MAGI3: variants seen among roughly 807,000 people sequenced by gnomAD.
MAGI3 encodes membrane-associated guanylate kinase, WW and PDZ domain-containing protein 3.
MAGI3 carries 43 observed loss-of-function variants against 121.8 expected under a neutral mutation model. The observed-to-expected ratio is 0.35, with a 90% CI of 0.28 to 0.46. The LOEUF (loss-of-function observed/expected upper bound fraction) is 0.46, where lower values mean the gene tolerates loss of function less well. MAGI3 is among the 20% of genes least tolerant of loss of function. The pLI is 1.00. For missense variants in MAGI3, 1,547 were observed against 1,797.3 expected (o/e 0.86, Z 2.52); for synonymous variants, 553 against 639.3 (o/e 0.86, Z 2.04).
intron 1 of MAGI3, among the ~76,000 whole-genome samples, chr1:113,473,071 A>G (rs1365774846): frequency 1.3e-5 from 2 of 152,260 alleles, no homozygotes; most frequent in Non-Finnish European, 2.9e-5. Context: ...CATGTTGTCA[A>G]TTAGCATTCT....
chr1:113,679,926 A>G (rs1648113917), intron 19 of MAGI3, among the ~76,000 whole-genome samples: 1 of 152,088 alleles, frequency 6.6e-6, no homozygotes, highest in Non-Finnish European at 1.5e-5. Context: ...GCTGGTCTCG[A>G]ACTCCCGACC....
At chr1:113,653,727 A>T in intron 14 of MAGI3, 103 bp from the exon 15 acceptor site, 1 of 1,029,460 alleles carries the variant, frequency 9.7e-7, no homozygotes, top group Non-Finnish European at 1.4e-6. Flanking sequence ...TCTTTATGTT[A>T]TTAGAAACTG....
intron 9 of MAGI3, among the ~76,000 whole-genome samples, chr1:113,630,435 C>T (rs1371007009): frequency 6.6e-6 from 1 of 152,104 alleles, no homozygotes; most frequent in Non-Finnish European, 1.5e-5. Flanking sequence ...CGAGAGCCTG[C>T]GTGGTGCTCT....
intron 1 of MAGI3, among the ~76,000 whole-genome samples, chr1:113,478,739 A>G (rs1035503345): frequency 1.3e-5 from 2 of 152,216 alleles, no homozygotes; most frequent in Non-Finnish European, 2.9e-5. Flanking sequence ...GTCTGTTCTC[A>G]GAGCTCAAAT....
intron 1 of MAGI3, among the ~76,000 whole-genome samples, chr1:113,460,046 A>G (rs1216122629): frequency 6.6e-6 from 1 of 152,210 alleles, no homozygotes; most frequent in East Asian, 1.9e-4. Flanking sequence ...ACTGAATCCA[A>G]CAGCACATAA....
At chr1:113,608,556 C>T (rs1382421283) in intron 6 of MAGI3, among the ~76,000 whole-genome samples, 1 of 152,178 alleles carries the variant, frequency 6.6e-6, no homozygotes. Flanking sequence ...AAGCCTCCTC[C>T]CAACGGGCAG....
At chr1:113,418,292 C>T (rs570748102) in intron 1 of MAGI3, among the ~76,000 whole-genome samples, 3 of 152,090 alleles carry the variant, frequency 2.0e-5, no homozygotes, top group African/African-American at 7.2e-5. Flanking sequence ...TGTAGTTTGT[C>T]CCCAACCCAC....
chr1:113,591,892 G>A (rs990036669), intron 5 of MAGI3, among the ~76,000 whole-genome samples: 1 of 152,034 alleles, frequency 6.6e-6, no homozygotes, highest in African/African-American at 2.4e-5. Context: ...ATTAAAGAGG[G>A]AGAATTTATA....
intron 1 of MAGI3, among the ~76,000 whole-genome samples, chr1:113,435,668 G>T (rs1653529387): frequency 6.6e-6 from 1 of 152,070 alleles, no homozygotes; most frequent in East Asian, 1.9e-4. Flanking sequence ...CTAGTATTAT[G>T]AAGAGGAATT....
At chr1:113,535,526 A>G (rs1022775296) in intron 1 of MAGI3, among the ~76,000 whole-genome samples, 13 of 152,132 alleles carry the variant, frequency 8.5e-5, no homozygotes, top group Non-Finnish European at 1.5e-4. Flanking sequence ...ACGTTTCATT[A>G]TTAATGATGT....
intron 1 of MAGI3, among the ~76,000 whole-genome samples, chr1:113,436,239 A>G (rs111424136): frequency 6.6e-6 from 1 of 152,138 alleles, no homozygotes; most frequent in African/African-American, 2.4e-5. Flanking sequence ...TCTCTTTACA[A>G]TTCCAGTGTG....
intron 6 of MAGI3, among the ~76,000 whole-genome samples, chr1:113,602,107 G>T (rs1649429612): frequency 7.0e-6 from 1 of 142,908 alleles, no homozygotes; most frequent in South Asian, 2.2e-4. Flanking sequence ...AGCATTAGGA[G>T]ATATACCTAA....
chr1:113,657,697 C>A (rs1355316948), intron 15 of MAGI3, among the ~76,000 whole-genome samples: 1 of 152,194 alleles, frequency 6.6e-6, no homozygotes, highest in African/African-American at 2.4e-5. Flanking sequence ...TGGTGTGCCA[C>A]CTGTTGTAGA....
intron 1 of MAGI3, among the ~76,000 whole-genome samples, chr1:113,463,219 C>T (rs1655116178): frequency 3.3e-5 from 5 of 151,650 alleles, no homozygotes; most frequent in Admixed American, 2.6e-4. Flanking sequence ...AAATCTAAAC[C>T]TCAGAAGAGA....
At chr1:113,426,027 A>T (rs558350356) in intron 1 of MAGI3, among the ~76,000 whole-genome samples, 1 of 152,272 alleles carries the variant, frequency 6.6e-6, no homozygotes, top group African/African-American at 2.4e-5. Context: ...TTTCTACTAT[A>T]AATTTTTAAT....
At chr1:113,581,798 C>G (rs563329425) in intron 3 of MAGI3, among the ~76,000 whole-genome samples, 1 of 152,296 alleles carries the variant, frequency 6.6e-6, no homozygotes, top group African/African-American at 2.4e-5. Context: ...GCGCCCATGA[C>G]TCATTCATTT....
intron 1 of MAGI3, among the ~76,000 whole-genome samples, chr1:113,543,885 A>T (rs1570832393): frequency 7.0e-6 from 1 of 142,626 alleles, no homozygotes; most frequent in Admixed American, 7.2e-5. Context: ...AAAAAAAAAA[A>T]TTTAAACTGA....
At chr1:113,611,890 A>G (rs978477297) in intron 6 of MAGI3, among the ~76,000 whole-genome samples, 3 of 151,946 alleles carry the variant, frequency 2.0e-5, no homozygotes, top group South Asian at 2.1e-4. Context: ...TAATACCTCA[A>G]TGCCCTTTAA....
At chr1:113,558,463 C>T (rs1357998845) in intron 2 of MAGI3, among the ~76,000 whole-genome samples, 2 of 151,944 alleles carry the variant, frequency 1.3e-5, no homozygotes, top group Non-Finnish European at 2.9e-5. Flanking sequence ...AACCTAAGAG[C>T]TGGAAGACTG....
Sources: gnomAD v4.1 joint callset for allele counts (sites outside exome capture counted in the v4.1 genomes callset) on GRCh38, gnomAD v4.1.1 for gene constraint, MANE v1.5 for transcripts, NCBI Gene and HGNC (gene_info 2026-07-23, HGNC 2026-07-21) for gene names.